The following PPIH variants were observed in gnomAD, a reference collection of about 807,000 sequenced individuals.
PPIH encodes peptidylprolyl isomerase H.
PPIH carries 16 observed loss-of-function variants against 27.6 expected under a neutral mutation model. The ratio of observed to expected loss-of-function variants is 0.58; its 90% CI spans 0.39 to 0.88. PPIH has a LOEUF of 0.88. Ranked by LOEUF, PPIH falls within the 40% of genes least tolerant of loss-of-function variation. The pLI is 0.00. For synonymous variants in PPIH, 63 were observed against 76.1 expected (o/e 0.83, Z 0.90); for missense variants, 155 against 224.1 (o/e 0.69, Z 1.97).
At position 42,666,722 on chromosome 1, in the gene PPIH, G is replaced by C. The variant is rs1005989891; in HGVS notation, c.465+135G>C. ...TTCATTGCCCCAGGAAAAGGGAAGA[G>C]AACCACCTAAGTTAGCCTGTCTGGC... On this transcript the variant is annotated intron_variant, in intron 8 of 9. Coordinates refer to ENST00000304979, the MANE Select transcript of PPIH (RefSeq NM_006347.4). 2.6e-5 allele frequency: 22 copies of C among 861,918 alleles called. No individual in the cohort carries two copies. The African/African-American group carries it at 2.9e-4, about 11-fold the overall frequency. The allele number at this position is 861,918 out of a possible 1,614,324, so 53.4% of individuals were successfully genotyped here.
chr1:42,666,677 C>A, intron 8 of PPIH, 90 bp downstream of exon 8: 1 of 1,339,352 alleles, frequency 7.5e-7, no homozygotes, highest in Non-Finnish European at 1.1e-6. Flanking sequence ...GGGGAATGAG[C>A]TCCAGTTTGT....
At position 42,658,462 on chromosome 1, in the gene PPIH, T is replaced by A. The variant is rs773640171; in HGVS notation, c.16T>A (p.Ser6Thr). The A allele has an allele frequency of 3.1e-6, 5 of 1,613,982 alleles. No individual in the cohort carries two copies. The South Asian group carries it at 5.5e-5, about 18-fold the overall frequency. MAVAN[S>T]SPVNPVVFFD... ...GGTCGGAGCCATGGCGGTGGCAAATTCAAGTCCTGTTAACCCCGTGGTGTT... is the reference window on the plus strand; with the variant it reads ...GGTCGGAGCCATGGCGGTGGCAAATACAAGTCCTGTTAACCCCGTGGTGTT... The change falls in exon 1 of 10, where the codon TCA becomes ACA. Residue 6 changes from serine (S) to threonine (T), a missense_variant. Around this residue, in one of 2 missense-constraint regions of PPIH, gnomAD observed 59 missense variants for 48.8 expected, o/e 1.21. Transcript: ENST00000304979.
At chr1:42,674,987 A>G (rs926399631) in intron 9 of PPIH, among the ~76,000 whole-genome samples, 4 of 152,246 alleles carry the variant, frequency 2.6e-5, no homozygotes, top group Non-Finnish European at 4.4e-5. Flanking sequence ...GTGGAATACT[A>G]TACAGCCTTA....
chr1:42,663,100 T>C (rs1380344848), intron 5 of PPIH, among the ~76,000 whole-genome samples: 1 of 152,232 alleles, frequency 6.6e-6, no homozygotes, highest in Admixed American at 6.5e-5. Flanking sequence ...TTACGGAGAA[T>C]GGCACGGTAA....
downstream of PPIH, among the ~76,000 whole-genome samples, chr1:42,680,679 T>C (rs941618455): frequency 7.2e-5 from 11 of 152,168 alleles, no homozygotes; most frequent in African/African-American, 2.4e-4. Flanking sequence ...CACTGCTCTA[T>C]GCTAGGGGTC....
Position 42,658,840 on chromosome 1 carries a change from G to A in PPIH, c.67-4G>A, listed in dbSNP as rs764395948. The A allele has an allele frequency of 6.2e-7, 1 of 1,614,226 alleles. No homozygotes were observed. The highest frequency in any genetic ancestry group is 2.2e-5 in the East Asian group (1 of 44,876). On this transcript the variant is annotated splice_polypyrimidine_tract_variant and splice_region_variant and intron_variant, in intron 1 of 9. Coordinates refer to ENST00000304979, the MANE Select transcript of PPIH (RefSeq NM_006347.4). ...GCCTTCTGACACTCTCCCGCTGATT[G>A]CAGGAAGTTGGCCGCATGAAGATCG...
chr1:42,658,947 A>G (rs969548393), intron 2 of PPIH, 39 bp downstream of exon 2: 2 of 1,605,644 alleles, frequency 1.2e-6, no homozygotes, highest in African/African-American at 2.7e-5. Flanking sequence ...TAGCTGAGGC[A>G]GAAGTCGGGC....
Position 42,665,981 on chromosome 1 carries a change from C to T in PPIH, c.338C>T (p.Ala113Val). ...GCAGGTATATTTGGTTTCCATCAGG[C>T]GAACAGTGGTCCAAGTACAAATGGC... is the stretch of plus-strand genomic sequence containing the variant. ...RHSAPGLLSM[A>V]NSGPSTNGCQ... Residue 113 changes from alanine to valine, a missense_variant and splice_region_variant, in exon 7 of 10, where the codon GCG (alanine) becomes GTG (valine). Ala to Val is a moderately conservative substitution (Grantham distance 64). Transcript: ENST00000304979. 2 of 1,613,918 alleles carry T rather than the reference C, an allele frequency of 1.2e-6. No individual in the cohort carries two copies. Among genetic ancestry groups the T allele is most frequent in the South Asian group, 2.2e-5 (2 of 91,074 alleles).
intron 5 of PPIH, 102 bp from the exon 6 acceptor site, chr1:42,664,761 T>C (rs1649239007): frequency 1.2e-6 from 1 of 862,238 alleles, no homozygotes; most frequent in Non-Finnish European, 1.8e-6. Context: ...AGAGTAAGAG[T>C]AGACTTTAAA....
chr1:42,666,998 G>A (rs61775602), intron 8 of PPIH, among the ~76,000 whole-genome samples: 45,577 of 151,888 alleles, frequency 0.3, 7,006 homozygotes, highest in Non-Finnish European at 0.32. Flanking sequence ...TAGCCGGAAT[G>A]CTCTTCTTTC....
chr1:42,658,871 T>C lies in PPIH; in HGVS notation c.94T>C (p.Phe32Leu). Residue 32 changes from phenylalanine to leucine, a missense_variant, in exon 2 of 10, where the codon TTT becomes CTT. By Grantham distance (22) the Phe-to-Leu change is conservative. Around this residue, in one of 2 missense-constraint regions of PPIH, gnomAD observed 59 missense variants for 48.8 expected, o/e 1.21. Coordinates refer to ENST00000304979, the MANE Select transcript of PPIH (RefSeq NM_006347.4). ...QEVGRMKIEL[F>L]ADVVPKTAEN... ...AGTTGGCCGCATGAAGATCGAGCTC[T>C]TTGCAGACGTTGTGCCTAAGACGGC... 1 of 1,614,224 alleles carries C rather than the reference T, an allele frequency of 6.2e-7. No individual in the cohort carries two copies. The highest frequency in any genetic ancestry group is 1.1e-5 in the South Asian group (1 of 91,090).
At chr1:42,673,141 T>G (rs977424283) in intron 9 of PPIH, among the ~76,000 whole-genome samples, 16 of 152,036 alleles carry the variant, frequency 1.1e-4, no homozygotes, top group African/African-American at 3.4e-4. Context: ...ATTATAGGCG[T>G]GCAGCACCAC....
chr1:42,670,353 A>G (rs1006521127), intron 9 of PPIH, among the ~76,000 whole-genome samples: 2 of 152,090 alleles, frequency 1.3e-5, no homozygotes, highest in Non-Finnish European at 2.9e-5. Flanking sequence ...CTTTCTTTTC[A>G]AAGACTGACC....
At chr1:42,680,354 C>G (rs6695295), downstream of PPIH, among the ~76,000 whole-genome samples, 150 of 152,334 alleles carry the variant, frequency 9.8e-4, no homozygotes, top group African/African-American at 3.3e-3. Context: ...ACACTTTTAA[C>G]CAATTTCTAT....
chr1:42,666,198 G>A lies in PPIH; in HGVS notation c.424+131G>A. 3.5e-6 allele frequency: 3 copies of A among 851,030 alleles called. No individual in the cohort carries two copies. In the South Asian group the frequency reaches 4.7e-5, roughly 13 times the overall value. 52.7% of individuals were successfully genotyped at this position (851,030 alleles called of 1,614,324 possible). A position where few individuals can be genotyped will look rare whatever the true frequency, so the allele number is the denominator to read the frequency against. ...TGCTTAGGTGGTAATAGAGAAAACA[G>A]AAATGGTGGGGAGGTGGGGAACATG... On this transcript the variant is annotated intron_variant, in intron 7 of 9. Transcript: ENST00000304979.
At chr1:42,658,788 C>G in intron 1 of PPIH, 56 bp from the exon 2 acceptor site, 1 of 1,586,306 alleles carries the variant, frequency 6.3e-7, no homozygotes, top group South Asian at 1.1e-5. Flanking sequence ...CCCCCTGCTC[C>G]GTGAAGCCCT....
At chr1:42,667,324 GA>G in intron 8 of PPIH, 26 bp from the exon 9 acceptor site, 1 of 1,559,060 alleles carries the variant, frequency 6.4e-7, no homozygotes, top group South Asian at 1.1e-5. Context: ...CTGAGTGGAT[GA>G]ATCTCCATTG....
intron 7 of PPIH, among the ~76,000 whole-genome samples, 161 bp from the exon 8 acceptor site, chr1:42,666,386 C>T (rs1312466136): frequency 2.6e-5 from 4 of 152,190 alleles, no homozygotes; most frequent in Non-Finnish European, 5.9e-5. Flanking sequence ...CCTAACTCTA[C>T]TTATTACCTA....
At chr1:42,668,445 T>C (rs536054852) in intron 9 of PPIH, among the ~76,000 whole-genome samples, 1 of 152,088 alleles carries the variant, frequency 6.6e-6, no homozygotes, top group Non-Finnish European at 1.5e-5. Flanking sequence ...CATTTGAAAG[T>C]TGCAGACTTC....
Sources: gnomAD v4.1 joint callset for allele counts (sites outside exome capture counted in the v4.1 genomes callset) on GRCh38, gnomAD v4.1.1 for gene constraint, gnomAD v4.1.1 regional missense constraint, MANE v1.5 for transcripts, NCBI Gene and HGNC (gene_info 2026-07-23, HGNC 2026-07-21) for gene names.